Variants in DPF3 observed in about 807,000 individuals in gnomAD.
DPF3 encodes double PHD fingers 3.
In DPF3, 18 loss-of-function variants were observed where a neutral mutation model predicts 56.8. The observed-to-expected ratio is 0.32, with a 90% CI of 0.22 to 0.47. DPF3 has a LOEUF of 0.47. Among genes scored for constraint, DPF3 ranks in the 20% least tolerant of loss-of-function variants. The pLI, the probability that DPF3 is intolerant of heterozygous loss-of-function variation, is 1.00. For synonymous variants in DPF3, 188 were observed against 180.2 expected, an observed-to-expected ratio of 1.04 and a Z score of -0.35; for missense variants, 403 against 488.8, an observed-to-expected ratio of 0.82 and a Z score of 1.65.
At chr14:72,667,401 T>C (rs1886484899) in intron 8 of DPF3, among the ~76,000 whole-genome samples, 1 of 152,162 alleles carries the variant, frequency 6.6e-6, no homozygotes, top group African/African-American at 2.4e-5. Context: ...TTTAGAAAGT[T>C]CTATATCTTT....
chr14:72,764,520 G>A (rs902386313), intron 2 of DPF3, among the ~76,000 whole-genome samples: 15 of 111,032 alleles, frequency 1.4e-4, no homozygotes, highest in Admixed American at 3.4e-4. Context: ...TTTTTGAGGC[G>A]GAATGTCGCC....
At chr14:72,838,430 G>C (rs1884388642) in intron 1 of DPF3, among the ~76,000 whole-genome samples, 1 of 152,164 alleles carries the variant, frequency 6.6e-6, no homozygotes, top group African/African-American at 2.4e-5. Flanking sequence ...GGAGGCGGAG[G>C]TTGCCATGAG....
intron 7 of DPF3, among the ~76,000 whole-genome samples, chr14:72,684,552 A>G (rs981919755): frequency 2.0e-5 from 3 of 152,162 alleles, no homozygotes; most frequent in African/African-American, 7.2e-5. Flanking sequence ...AATGAGAGCC[A>G]GGAAAGACAG....
chr14:72,842,824 C>G (rs1246516280), intron 1 of DPF3, among the ~76,000 whole-genome samples: 1 of 152,160 alleles, frequency 6.6e-6, no homozygotes, highest in African/African-American at 2.4e-5. Flanking sequence ...GAGTTTAAGA[C>G]CAGCCTGGCC....
chr14:72,782,022 T>C (rs1042490271), intron 1 of DPF3, among the ~76,000 whole-genome samples: 1 of 152,202 alleles, frequency 6.6e-6, no homozygotes, highest in Non-Finnish European at 1.5e-5. Flanking sequence ...GGCACTCGGA[T>C]GTTGCCTCCT....
chr14:72,724,762 G>T (rs1889327916), intron 4 of DPF3, among the ~76,000 whole-genome samples: 1 of 150,716 alleles, frequency 6.6e-6, no homozygotes, highest in African/African-American at 2.4e-5. Flanking sequence ...AGGCTGGAGT[G>T]CAGTGGCACA....
At chr14:72,795,293 A>ATATATATATATATAT (rs1317667797) in intron 1 of DPF3, among the ~76,000 whole-genome samples, 2 of 108,012 alleles carry the variant, frequency 1.9e-5, no homozygotes, top group Non-Finnish European at 3.9e-5. Context: ...AAAAAAAAAA[A>ATATATATATATATAT]AAATATATAT....
intron 6 of DPF3, among the ~76,000 whole-genome samples, chr14:72,709,227 T>C (rs1007155182): frequency 1.7e-4 from 26 of 152,098 alleles, no homozygotes; most frequent in Non-Finnish European, 2.6e-4. Flanking sequence ...GTGGAGGTGG[T>C]AGAGAACAGA....
intron 6 of DPF3, among the ~76,000 whole-genome samples, chr14:72,697,062 TTAGCAG>T (rs932309395): frequency 1.4e-4 from 4 of 29,474 alleles, no homozygotes; most frequent in Non-Finnish European, 2.4e-4. Flanking sequence ...TGTTCAGTTA[TTAGCAG>T]TTATTAGCAG....
intron 6 of DPF3, among the ~76,000 whole-genome samples, chr14:72,699,883 G>A (rs928969349): frequency 6.6e-6 from 1 of 152,186 alleles, no homozygotes; most frequent in Non-Finnish European, 1.5e-5. Flanking sequence ...CAAAGTCGAG[G>A]AGCACAACTG....
intron 1 of DPF3, among the ~76,000 whole-genome samples, chr14:72,857,077 T>C (rs963330713): frequency 1.3e-5 from 2 of 152,180 alleles, no homozygotes; most frequent in African/African-American, 2.4e-5. Context: ...ATCAGCAGAC[T>C]AAAGGGGCGA....
intron 4 of DPF3, among the ~76,000 whole-genome samples, chr14:72,730,017 G>T (rs1204028795): frequency 6.6e-6 from 1 of 152,036 alleles, no homozygotes; most frequent in African/African-American, 2.4e-5. Flanking sequence ...TATACCAGGG[G>T]TACACAGGAA....
intron 1 of DPF3, among the ~76,000 whole-genome samples, chr14:72,777,084 CAG>C (rs1891774124): frequency 6.6e-6 from 1 of 152,202 alleles, no homozygotes; most frequent in South Asian, 2.1e-4. Context: ...CAGAGATAAG[CAG>C]AGCTGAAGAG....
chr14:72,779,589 C>T (rs550194289), intron 1 of DPF3, among the ~76,000 whole-genome samples: 1 of 152,320 alleles, frequency 6.6e-6, no homozygotes, highest in East Asian at 1.9e-4. Flanking sequence ...AGCTACACAA[C>T]CCTCAGCAAG....
At chr14:72,739,898 AAG>A (rs771029818) in intron 3 of DPF3, among the ~76,000 whole-genome samples, 16 of 152,228 alleles carry the variant, frequency 1.1e-4, no homozygotes, top group Non-Finnish European at 1.9e-4. Flanking sequence ...ATATTCTAGC[AAG>A]AGAGAAACAA....
chr14:72,759,190 A>G (rs1028673740), intron 2 of DPF3, among the ~76,000 whole-genome samples: 1 of 152,228 alleles, frequency 6.6e-6, no homozygotes, highest in African/African-American at 2.4e-5. Context: ...TTAATGTCAG[A>G]TTAGATATTG....
chr14:72,659,715 G>T lies in DPF3; in HGVS notation c.871+14525C>A, dbSNP rs144576403. Among the ~76,000 whole-genome samples, 177 of 152,326 alleles carry T rather than the reference G, an allele frequency of 1.2e-3. 1 individual carries two copies. The highest frequency in any genetic ancestry group is 4.0e-3 in the African/African-American group (167 of 41,568). The stretch of plus-strand genomic sequence containing the variant: ...GAAGAAGATATTTTATTCCTTAGGT[G>T]ACTTCTTAATTGAACCTAATGTCTC... On this transcript the variant is annotated intron_variant, in intron 8 of 10. Transcript: ENST00000556509.
intron 8 of DPF3, among the ~76,000 whole-genome samples, chr14:72,634,981 A>T (rs1383116241): frequency 6.6e-6 from 1 of 152,160 alleles, no homozygotes; most frequent in Non-Finnish European, 1.5e-5. Flanking sequence ...CTCTAAATGT[A>T]TTCTATCAGG....
Position 72,680,759 on chromosome 14 carries a change from G to A in DPF3, c.743-6391C>T, listed in dbSNP as rs541452630. Among the ~76,000 whole-genome samples, 6 of 152,354 alleles carry A rather than the reference G, an allele frequency of 3.9e-5. 1 individual carries two copies. The South Asian group carries it at 1.0e-3, about 26-fold the overall frequency. On this transcript the variant is annotated intron_variant, in intron 7 of 10. Coordinates refer to ENST00000556509, the MANE Select transcript of DPF3 (RefSeq NM_001280542.3). ...GCTGGAAAGGCAGGTGGCTAACAACGAAAGCCATGGCCAGAGGGCGGGCTT... is the reference window on the plus strand; with the variant it reads ...GCTGGAAAGGCAGGTGGCTAACAACAAAAGCCATGGCCAGAGGGCGGGCTT...
Sources: gnomAD v4.1 joint callset for allele counts (sites outside exome capture counted in the v4.1 genomes callset) on GRCh38, gnomAD v4.1.1 for gene constraint, MANE v1.5 for transcripts, NCBI Gene and HGNC (gene_info 2026-07-23, HGNC 2026-07-21) for gene names.